The following SYNE1 variants were observed in gnomAD, a reference collection of about 807,000 sequenced individuals.
SYNE1 encodes nesprin-1.
SYNE1 carries 616 observed loss-of-function variants against 1,111.0 expected under a neutral mutation model. That is an observed-to-expected ratio of 0.55 (90% CI 0.52 to 0.59). The LOEUF (loss-of-function observed/expected upper bound fraction) is 0.59. Among genes scored for constraint, SYNE1 ranks in the 20% least tolerant of loss-of-function variants. The probability of loss-of-function intolerance (pLI) is 0.00; values close to 1 mark genes in which losing one functional copy is unlikely to be tolerated. For missense variants in SYNE1, 10,006 were observed against 10,417.0 expected, an observed-to-expected ratio of 0.96 and a Z score of 1.72; for synonymous variants, 3,855 against 3,825.8, an observed-to-expected ratio of 1.01 and a Z score of -0.28.
At position 152,457,608 on chromosome 6, in the gene SYNE1, G is replaced by A. The variant is rs1003937125; in HGVS notation, c.2568+1149C>T. The stretch of plus-strand genomic sequence containing the variant: ...ATCAAACACATTTCCAGAGTTTCAA[G>A]GTTGTTTAAACTGTCATATTTCAAG... On this transcript the variant is annotated intron_variant, in intron 22 of 145. Coordinates refer to ENST00000367255, the MANE Select transcript of SYNE1 (RefSeq NM_182961.4). Among the ~76,000 whole-genome samples, 12 of 152,104 alleles carry A rather than the reference G, an allele frequency of 7.9e-5. 1 individual carries two copies. Among genetic ancestry groups the A allele is most frequent in the Admixed American group, 7.2e-4 (11 of 15,270 alleles).
At chr6:152,541,746 T>TCA (rs1345199312) in intron 3 of SYNE1, among the ~76,000 whole-genome samples, 3 of 46,386 alleles carry the variant, frequency 6.5e-5, no homozygotes, top group Non-Finnish European at 1.3e-4. Flanking sequence ...AGACTCCATC[T>TCA]CAAAAAAAAA....
intron 128 of SYNE1, among the ~76,000 whole-genome samples, chr6:152,182,318 A>G (rs1310713678): frequency 6.6e-6 from 1 of 152,212 alleles, no homozygotes; most frequent in Non-Finnish European, 1.5e-5. Context: ...ATTTGGTAAG[A>G]AGGTCTGAAG....
intron 118 of SYNE1, 77 bp downstream of exon 118, chr6:152,221,348 CT>C (rs2080137530): frequency 6.5e-7 from 1 of 1,545,528 alleles, no homozygotes; most frequent in Non-Finnish European, 8.9e-7. Context: ...CAAATTCAAA[CT>C]GTCATTGTTT....
At chr6:152,339,874 A>G (rs966322122) in intron 74 of SYNE1, among the ~76,000 whole-genome samples, 4 of 152,324 alleles carry the variant, frequency 2.6e-5, no homozygotes, top group Non-Finnish European at 4.4e-5. Flanking sequence ...AGGCTTCTCC[A>G]GGTGGATCTT....
intron 3 of SYNE1, among the ~76,000 whole-genome samples, chr6:152,581,154 A>G (rs1282981768): frequency 6.6e-6 from 1 of 152,248 alleles, no homozygotes; most frequent in Non-Finnish European, 1.5e-5. Context: ...AATGCCCTCA[A>G]CATAGCACTG....
chr6:152,401,444 G>A, intron 46 of SYNE1, 103 bp from the exon 47 acceptor site: 1 of 1,160,066 alleles, frequency 8.6e-7, no homozygotes, highest in Middle Eastern at 2.4e-4. Context: ...AGCCACACAA[G>A]TCTCATCATG....
At chr6:152,346,030 T>C (rs957438140) in intron 73 of SYNE1, among the ~76,000 whole-genome samples, 1 of 152,216 alleles carries the variant, frequency 6.6e-6, no homozygotes, top group Non-Finnish European at 1.5e-5. Context: ...AATTTACTTT[T>C]GTGCTACAAA....
At chr6:152,145,233 A>G in intron 137 of SYNE1, 1 of 522,758 alleles carries the variant, frequency 1.9e-6, no homozygotes, top group Non-Finnish European at 3.5e-6. Flanking sequence ...GTTAATGGAC[A>G]TGAGAGGTCT....
intron 87 of SYNE1, among the ~76,000 whole-genome samples, chr6:152,312,852 G>C (rs1043166040): frequency 6.6e-6 from 1 of 151,928 alleles, no homozygotes; most frequent in African/African-American, 2.4e-5. Context: ...TTTTTCACCC[G>C]ACCTTAGCGT....
chr6:152,379,899 AC>A (rs1297116419), intron 56 of SYNE1, among the ~76,000 whole-genome samples: 1 of 152,202 alleles, frequency 6.6e-6, no homozygotes, highest in African/African-American at 2.4e-5. Context: ...TCACTCTGTG[AC>A]TGGAATAGAA....
Position 152,323,628 on chromosome 6 carries a change from G to A in SYNE1, c.15767C>T (p.Thr5256Met), listed in dbSNP as rs1379759625. Residue 5256 changes from threonine (T) to methionine (M), a missense_variant, in exon 82 of 146, where the codon ACG becomes ATG. Around this residue, in one of 7 missense-constraint regions of SYNE1, gnomAD observed 4,955 missense variants for 5,017.2 expected, o/e 0.99. Transcript: ENST00000367255. Reference protein sequence around the residue: ...ELLTLLEYHDTFVLELEQQQS... With the variant: ...ELLTLLEYHDMFVLELEQQQS... ...CTGCTGCTCCAGCTCCAGAACGAAC[G>A]TGTCGTGGTATTCAAGAAGAGTTAA... is the stretch of plus-strand genomic sequence containing the variant. 3.7e-6 allele frequency: 6 copies of A among 1,614,206 alleles called. No individual in the cohort carries two copies. Among genetic ancestry groups the A allele is most frequent in the East Asian group, 2.2e-5 (1 of 44,880 alleles).
intron 123 of SYNE1, 114 bp downstream of exon 123, chr6:152,213,498 C>T (rs1178545709): frequency 4.3e-6 from 5 of 1,171,286 alleles, no homozygotes; most frequent in Non-Finnish European, 6.4e-6. Context: ...ATGATGCATG[C>T]ATTTAGACAC....
intron 106 of SYNE1, 65 bp from the exon 107 acceptor site, chr6:152,242,505 G>A (rs2085970067): frequency 6.3e-7 from 1 of 1,578,954 alleles, no homozygotes; most frequent in Non-Finnish European, 8.7e-7. Context: ...AAAAGCATAT[G>A]AACTATGAAC....
At position 152,430,177 on chromosome 6, in the gene SYNE1, G is replaced by C; in HGVS notation, c.4723C>G (p.Leu1575Val). Reference sequence around the variant, plus strand: ...GAACATATTTTAATTGGAACAGCAAGTTTATCTTCAAATTCAGACACAGAT... The same window carrying C: ...GAACATATTTTAATTGGAACAGCAACTTTATCTTCAAATTCAGACACAGAT... ...QQSVSEFEDK[L>V]AVPIKICSSA... Residue 1575 changes from leucine to valine, a missense_variant, in exon 36 of 146, where the codon CTT becomes GTT. Physicochemically the swap from Leu to Val is conservative, Grantham distance 32. Around this residue, in one of 7 missense-constraint regions of SYNE1, gnomAD observed 1,971 missense variants for 2,084.1 expected, o/e 0.95. Transcript: ENST00000367255. 1 of 1,604,858 alleles carries C rather than the reference G, an allele frequency of 6.2e-7. No homozygotes were observed. Among genetic ancestry groups the C allele is most frequent in the Non-Finnish European group, 8.5e-7 (1 of 1,173,998 alleles).
At chr6:152,547,269 C>G (rs370422841) in intron 3 of SYNE1, among the ~76,000 whole-genome samples, 1 of 152,126 alleles carries the variant, frequency 6.6e-6, no homozygotes, top group African/African-American at 2.4e-5. Context: ...GTTGCTCTAA[C>G]AAAAATCTAA....
At chr6:152,400,868 A>G (rs920850935) in intron 47 of SYNE1, among the ~76,000 whole-genome samples, 1 of 119,008 alleles carries the variant, frequency 8.4e-6, no homozygotes, top group Non-Finnish European at 1.9e-5. Flanking sequence ...TATAAAAAAG[A>G]AAAAAAAACT....
At chr6:152,275,634 C>T (rs1251885745) in intron 98 of SYNE1, among the ~76,000 whole-genome samples, 1 of 152,062 alleles carries the variant, frequency 6.6e-6, no homozygotes, top group Non-Finnish European at 1.5e-5. Context: ...AATCTCAGCA[C>T]TTTGGGAGGC....
At chr6:152,424,686 A>C (rs563400224) in intron 39 of SYNE1, among the ~76,000 whole-genome samples, 17 of 152,348 alleles carry the variant, frequency 1.1e-4, no homozygotes, top group Middle Eastern at 3.4e-3. Context: ...AATAGAATAA[A>C]TATAAGCTCC....
chr6:152,156,896 C>G (rs1230758734), intron 131 of SYNE1, among the ~76,000 whole-genome samples: 1 of 151,906 alleles, frequency 6.6e-6, no homozygotes, highest in Non-Finnish European at 1.5e-5. Context: ...GGCACAATAT[C>G]AGCTCATGGA....
Sources: allele counts gnomAD v4.1 joint callset (sites outside exome capture counted in the v4.1 genomes callset), GRCh38; gene constraint gnomAD v4.1.1; regional missense constraint gnomAD v4.1.1; transcripts MANE v1.5; gene names NCBI Gene and HGNC (gene_info 2026-07-23, HGNC 2026-07-21).